Variants in ANO2 observed in about 807,000 individuals in gnomAD.
The protein encoded by ANO2 is anoctamin 2.
In ANO2, 101 loss-of-function variants were observed where a neutral mutation model predicts 124.2. The observed-to-expected ratio is 0.81, with a 90% confidence interval of 0.69 to 0.96. The LOEUF (loss-of-function observed/expected upper bound fraction) is 0.96, where lower values mean the gene tolerates loss of function less well. Among genes scored for constraint, ANO2 ranks in the 40% least tolerant of loss-of-function variants. ANO2 has a pLI of 0.00. For synonymous variants in ANO2, 486 were observed against 482.5 expected, an observed-to-expected ratio of 1.01 and a Z score of -0.09; for missense variants, 1,293 against 1,274.5, an observed-to-expected ratio of 1.01 and a Z score of -0.22.
chr12:5,591,016 C>A (rs922115172), intron 20 of ANO2, among the ~76,000 whole-genome samples: 3 of 152,134 alleles, frequency 2.0e-5, no homozygotes, highest in Non-Finnish European at 1.5e-5. Context: ...CCCGTCTCTA[C>A]TAAAAATACA....
At chr12:5,847,348 C>G (rs1247608131) in intron 4 of ANO2, among the ~76,000 whole-genome samples, 4 of 152,158 alleles carry the variant, frequency 2.6e-5, no homozygotes, top group Non-Finnish European at 5.9e-5. Context: ...TAGACTGGAA[C>G]TACACCATCA....
Position 5,742,879 on chromosome 12 carries a change from C to T in ANO2, c.1351+1278G>A, listed in dbSNP as rs558539239. On this transcript the variant is annotated intron_variant, in intron 12 of 24. Coordinates refer to ENST00000682330, the MANE Select transcript of ANO2 (RefSeq NM_001364791.2). Reference sequence around the variant, plus strand: ...CCCAACTTCAGTGTGTTCTACCAACCCTGCCTGTGAACAGTCCCAGGAGTC... The same window carrying T: ...CCCAACTTCAGTGTGTTCTACCAACTCTGCCTGTGAACAGTCCCAGGAGTC... Among the ~76,000 whole-genome samples, 4 of 152,182 alleles carry T rather than the reference C, an allele frequency of 2.6e-5. No individual in the cohort carries two copies. In the South Asian group the frequency reaches 8.3e-4, roughly 32 times the overall value.
intron 3 of ANO2, among the ~76,000 whole-genome samples, chr12:5,916,486 G>A (rs1941380248): frequency 1.3e-5 from 1 of 75,626 alleles, no homozygotes; most frequent in Admixed American, 1.4e-4. Flanking sequence ...AAAAATCGCA[G>A]CAGGTTAAAA....
chr12:5,775,383 T>A (rs957740313), intron 10 of ANO2, among the ~76,000 whole-genome samples: 1 of 151,936 alleles, frequency 6.6e-6, no homozygotes, highest in Non-Finnish European at 1.5e-5. Flanking sequence ...ATGTTAAAAA[T>A]TATACAAGAA....
At chr12:5,858,443 T>A (rs530187039) in intron 3 of ANO2, among the ~76,000 whole-genome samples, 4 of 152,196 alleles carry the variant, frequency 2.6e-5, no homozygotes, top group African/African-American at 9.6e-5. Context: ...GCTTCCCTCA[T>A]AGTTTAGAGA....
At chr12:5,580,641 A>C (rs541127418) in intron 20 of ANO2, among the ~76,000 whole-genome samples, 14 of 152,212 alleles carry the variant, frequency 9.2e-5, no homozygotes, top group Non-Finnish European at 1.8e-4. Context: ...AGAATGAAAA[A>C]ACTGACACAA....
chr12:5,785,514 T>A (rs776184563), intron 10 of ANO2, among the ~76,000 whole-genome samples: 1 of 152,152 alleles, frequency 6.6e-6, no homozygotes, highest in African/African-American at 2.4e-5. Context: ...ATTAAATTCA[T>A]CACTCACTGT....
In ANO2 at chr12:5,739,303, G is replaced by A. The variant is rs775950971; in HGVS notation, c.1434+14C>T. 2.8e-5 allele frequency: 44 copies of A among 1,585,476 alleles called. No homozygotes were observed. In the East Asian group the frequency reaches 4.1e-4, roughly 15 times the overall value. On this transcript the variant is annotated intron_variant, in intron 13 of 24. Transcript: ENST00000682330. Reference sequence around the variant, plus strand: ...GCCCACAGAAGTATGTGAGAAATACGTGAGAGAACTCACTTCTTCCTCTTC... The same window carrying A: ...GCCCACAGAAGTATGTGAGAAATACATGAGAGAACTCACTTCTTCCTCTTC...
chr12:5,904,701 C>T lies in ANO2; in HGVS notation c.534+16339G>A, dbSNP rs1940557102. On this transcript the variant is annotated intron_variant, in intron 3 of 24. Coordinates refer to ENST00000682330, the MANE Select transcript of ANO2 (RefSeq NM_001364791.2). The surrounding 1 kb of genome is among the most constrained non-coding windows in gnomAD (Gnocchi z 4.1). ...TTTGCAGTGTCATCCTCTAGCCTTGCTCCCCCTGGGAAGCCTTGCCACCTC... is the reference window on the plus strand; with the variant it reads ...TTTGCAGTGTCATCCTCTAGCCTTGTTCCCCCTGGGAAGCCTTGCCACCTC... Among the ~76,000 whole-genome samples, 1 of 152,216 alleles carries T rather than the reference C, an allele frequency of 6.6e-6. No homozygotes were observed.
chr12:5,933,553 CCTAA>C (rs1418089170), intron 1 of ANO2, among the ~76,000 whole-genome samples: 3 of 152,044 alleles, frequency 2.0e-5, no homozygotes, highest in Non-Finnish European at 4.4e-5. Context: ...TGGACAGATT[CCTAA>C]CTGTTTTTCT....
chr12:5,789,379 T>C (rs1300459188), intron 10 of ANO2, among the ~76,000 whole-genome samples: 1 of 152,218 alleles, frequency 6.6e-6, no homozygotes, highest in Non-Finnish European at 1.5e-5. Context: ...AATGCTCAAA[T>C]GAAAAGTTAA....
chr12:5,868,240 T>C (rs191706442), intron 3 of ANO2, among the ~76,000 whole-genome samples: 2 of 152,218 alleles, frequency 1.3e-5, no homozygotes, highest in Non-Finnish European at 2.9e-5. Flanking sequence ...AAAATAATAA[T>C]AATCCATTAG....
Position 5,658,391 on chromosome 12 carries a change from A to T in ANO2, c.1546-10590T>A, listed in dbSNP as rs1232228689. ...GCCTATCATCATCATCATCAACAAC[A>T]TCATCATCGTCATTGTTATCATCAT... On this transcript the variant is annotated intron_variant, in intron 14 of 24. Transcript: ENST00000682330. The surrounding 1 kb of genome is among the most constrained non-coding windows in gnomAD (Gnocchi z 4.3). 6.6e-6 allele frequency among the ~76,000 whole-genome samples: 1 copy of T among 152,194 alleles called. No individual in the cohort carries two copies. Among genetic ancestry groups the T allele is most frequent in the East Asian group, 1.9e-4 (1 of 5,204 alleles).
intron 3 of ANO2, chr12:5,856,507 T>C (rs1955101672): frequency 6.6e-6 from 1 of 152,012 alleles, no homozygotes; most frequent in African/African-American, 2.4e-5. Context: ...TCCCTTGCAA[T>C]GAGGTGTTTC....
chr12:5,903,670 T>TGGGGGGG (rs999979029), intron 3 of ANO2, among the ~76,000 whole-genome samples: 1 of 151,716 alleles, frequency 6.6e-6, no homozygotes, highest in African/African-American at 2.4e-5. Flanking sequence ...TGTGTGTGTG[T>TGGGGGGG]GTGTGTGGGT....
chr12:5,876,849 G>C (rs982790525), intron 3 of ANO2, among the ~76,000 whole-genome samples: 18 of 152,258 alleles, frequency 1.2e-4, no homozygotes, highest in African/African-American at 3.9e-4. Context: ...TTAGGGGAGG[G>C]ATAGCATTAG....
At position 5,587,935 on chromosome 12, in the gene ANO2, T is replaced by C. The variant is rs192671678; in HGVS notation, c.2234-9417A>G. On this transcript the variant is annotated intron_variant, in intron 20 of 24. Transcript: ENST00000682330. ...TTTAGAAAAATGTAAATATAATACATCTCCCCCTGCTGCCTCCCTCCGTTG... is the reference window on the plus strand; with the variant it reads ...TTTAGAAAAATGTAAATATAATACACCTCCCCCTGCTGCCTCCCTCCGTTG... Among the ~76,000 whole-genome samples, 426 of 152,136 alleles carry C rather than the reference T, an allele frequency of 2.8e-3. 3 individuals are homozygous for C. Among genetic ancestry groups the C allele is most frequent in the African/African-American group, 9.3e-3 (386 of 41,486 alleles).
intron 3 of ANO2, among the ~76,000 whole-genome samples, chr12:5,918,219 A>T (rs1941490567): frequency 6.6e-6 from 1 of 152,182 alleles, no homozygotes; most frequent in Non-Finnish European, 1.5e-5. Flanking sequence ...CACAGCAAGG[A>T]AGCCTAACGC....
intron 3 of ANO2, among the ~76,000 whole-genome samples, chr12:5,880,893 TAGGTGGG>T (rs760114551): frequency 4.1e-5 from 3 of 73,102 alleles, no homozygotes; most frequent in African/African-American, 1.0e-4. Context: ...AGTGGATGGG[TAGGTGGG>T]GGATGGATGG....
Sources: gnomAD v4.1 joint callset for allele counts (sites outside exome capture counted in the v4.1 genomes callset) on GRCh38, gnomAD v4.1.1 for gene constraint, Gnocchi (gnomAD v3.1) non-coding constraint, MANE v1.5 for transcripts, NCBI Gene and HGNC (gene_info 2026-07-23, HGNC 2026-07-21) for gene names.